BCO2: variants seen among roughly 807,000 people sequenced by gnomAD.
BCO2 encodes beta-carotene oxygenase 2, also known as carotenoid-cleaving dioxygenase, mitochondrial.
In BCO2, 56 loss-of-function variants were observed where a neutral mutation model predicts 65.8. The observed-to-expected ratio is 0.85, with a 90% CI of 0.69 to 1.06. BCO2 has a LOEUF of 1.06. BCO2 is among the 50% of genes least tolerant of loss of function. The probability of loss-of-function intolerance (pLI) is 0.00; values close to 1 mark genes in which losing one functional copy is unlikely to be tolerated. For synonymous variants in BCO2, 233 were observed against 242.3 expected, an observed-to-expected ratio of 0.96 and a Z score of 0.36; for missense variants, 675 against 698.5, an observed-to-expected ratio of 0.97 and a Z score of 0.38.
intron 6 of BCO2, 74 bp downstream of exon 6, chr11:112,199,901 A>G: frequency 1.3e-6 from 2 of 1,530,842 alleles, no homozygotes; most frequent in Non-Finnish European, 1.8e-6. Context: ...TAGTCTGGCA[A>G]ATGTTATGTT....
chr11:112,208,575 G>T, intron 8 of BCO2: 1 of 202,998 alleles, frequency 4.9e-6, no homozygotes, highest in East Asian at 1.5e-4. Flanking sequence ...AAATATAATA[G>T]AAACTGTCCC....
chr11:112,183,003 G>A (rs1164062712), intron 2 of BCO2: 17 of 1,066,308 alleles, frequency 1.6e-5, no homozygotes, highest in Non-Finnish European at 2.2e-5. Context: ...CCTGAGGGTG[G>A]CTACATTAAA....
chr11:112,217,697 GGAGGA>G (rs2135402050), intron 11 of BCO2, 59 bp from the exon 12 acceptor site: 1 of 1,160,122 alleles, frequency 8.6e-7, no homozygotes, highest in African/African-American at 1.5e-5. Flanking sequence ...ACAGCTTAGT[GGAGGA>G]GACAGGCAAA....
Position 112,199,781 on chromosome 11 carries a change from T to C in BCO2, c.819T>C (p.Ser273=). Reference sequence around the variant, plus strand: ...TCCATGGAGTCCAGGTGATATGTTCTATTGCTTCTACAGAGAAAGGGAAAC... The same window carrying C: ...TCCATGGAGTCCAGGTGATATGTTCCATTGCTTCTACAGAGAAAGGGAAAC... The part of the protein sequence containing the change: ...ETIHGVQVIC[S]IASTEKGKPS... The change falls in exon 6 of 12, where the codon TCT becomes TCC. Residue 273 remains serine (S), a synonymous_variant. Coordinates refer to ENST00000357685, the MANE Select transcript of BCO2 (RefSeq NM_031938.7). 1.9e-6 allele frequency: 3 copies of C among 1,614,100 alleles called. No individual in the cohort carries two copies. Among genetic ancestry groups the C allele is most frequent in the Non-Finnish European group, 2.5e-6 (3 of 1,179,928 alleles).
intron 2 of BCO2, chr11:112,181,126 C>T (rs1469114356): frequency 1.4e-6 from 2 of 1,423,136 alleles, no homozygotes; most frequent in East Asian, 4.8e-5. Context: ...TGCTGGCCCA[C>T]ATGTTTAAGG....
chr11:112,196,801 C>T (rs976038102), intron 5 of BCO2, among the ~76,000 whole-genome samples: 3 of 149,808 alleles, frequency 2.0e-5, no homozygotes, highest in Non-Finnish European at 4.5e-5. Context: ...CTACCACCAC[C>T]ACCTCCTCCT....
At chr11:112,195,258 TG>T (rs35331178) in intron 5 of BCO2, among the ~76,000 whole-genome samples, 29,377 of 149,582 alleles carry the variant, frequency 0.2, 3,795 homozygotes, top group Non-Finnish European at 0.28. Flanking sequence ...CCTCAGCCAC[TG>T]GAGTAGCTGG....
intron 8 of BCO2, chr11:112,208,619 C>A: frequency 4.4e-6 from 1 of 229,256 alleles, no homozygotes; most frequent in Non-Finnish European, 8.7e-6. Flanking sequence ...CAAGATGCAT[C>A]TGCTAGCAGT....
Position 112,207,959 on chromosome 11 carries a change from A to ATT in BCO2, c.1195-5754_1195-5753dup, listed in dbSNP as rs55956520. Among the ~76,000 whole-genome samples the ATT allele has an allele frequency of 7.2e-3, 1,055 of 146,422 alleles. 5 individuals are homozygous for ATT. The highest frequency in any genetic ancestry group is 0.01 in the Middle Eastern group (3 of 292). On this transcript the variant is annotated intron_variant, in intron 8 of 11. Transcript: ENST00000357685. ...TTTATGTTAGTGTTGCTATATAGCA[A>ATT]TTTTTTTTTTTTGAGACAGTGTGAC... is the stretch of plus-strand genomic sequence containing the variant.
intron 8 of BCO2, among the ~76,000 whole-genome samples, chr11:112,205,123 T>C (rs374707604): frequency 1.3e-5 from 2 of 152,350 alleles, no homozygotes. Flanking sequence ...TTTTGAGTAG[T>C]CAAAAGTTAT....
chr11:112,188,571 C>G (rs1275083808), intron 2 of BCO2, among the ~76,000 whole-genome samples: 2 of 152,108 alleles, frequency 1.3e-5, no homozygotes, highest in Non-Finnish European at 2.9e-5. Flanking sequence ...CATGCTACCC[C>G]CTCAACTGGC....
chr11:112,181,882 T>G (rs566261657), intron 2 of BCO2: 6 of 857,140 alleles, frequency 7.0e-6, no homozygotes, highest in South Asian at 5.7e-5. Flanking sequence ...TCTGGATCAG[T>G]GCTTGACTGT....
At chr11:112,192,925 G>GTTTTTTTTTTTT (rs71060229) in intron 2 of BCO2, among the ~76,000 whole-genome samples, 423 of 36,646 alleles carry the variant, frequency 0.012, 76 homozygotes, top group African/African-American at 0.031. Context: ...AAAATGTGAG[G>GTTTTTTTTTTTT]TTTTTTTTTT....
rs1382563699 is a variant in BCO2, at chr11:112,179,345, A to G, written c.156A>G (p.Pro52=). Residue 52 remains proline (P), a synonymous_variant, in exon 2 of 12, where the codon CCA becomes CCG. Coordinates refer to ENST00000357685, the MANE Select transcript of BCO2 (RefSeq NM_031938.7). ...TCTTTGGGCAGTGTCGGGGTCTGCC[A>G]TGTGTTGCACCGCTGCTGACCACAG... The part of the protein sequence containing the change: ...KAVFGQCRGL[P]CVAPLLTTVE... 2.5e-6 allele frequency: 4 copies of G among 1,614,094 alleles called. No homozygotes were observed. The Admixed American group carries it at 5.0e-5, about 20-fold the overall frequency.
At chr11:112,194,861 G>A (rs1867523579) in intron 5 of BCO2, 106 bp downstream of exon 5, 2 of 710,268 alleles carry the variant, frequency 2.8e-6, no homozygotes, top group Non-Finnish European at 4.8e-6. Context: ...AGTAGAGAGA[G>A]GGTGCTCTGG....
intron 5 of BCO2, 132 bp downstream of exon 5, chr11:112,194,887 G>GCT: frequency 1.8e-6 from 1 of 560,256 alleles, no homozygotes; most frequent in Non-Finnish European, 3.1e-6. Context: ...TCTACACCCA[G>GCT]CTCTCTCTCC....
intron 5 of BCO2, among the ~76,000 whole-genome samples, chr11:112,199,202 T>C (rs1341348648): frequency 6.6e-6 from 1 of 152,140 alleles, no homozygotes; most frequent in Non-Finnish European, 1.5e-5. Flanking sequence ...AGTGAGAACA[T>C]GCGGTGTTTG....
chr11:112,206,496 C>T (rs1033466494), intron 8 of BCO2, among the ~76,000 whole-genome samples: 2 of 152,134 alleles, frequency 1.3e-5, no homozygotes, highest in African/African-American at 2.4e-5. Flanking sequence ...TGGTGGCTCA[C>T]GCCTGTAATC....
At position 112,217,893 on chromosome 11, in the gene BCO2, TG is replaced by T; in HGVS notation, c.*21del. ...CATCTGATGGGACAACCACAAGGTCTGGAAACTAGGTTTAAAATAAGTGTGC... is the reference window on the plus strand; with the variant it reads ...CATCTGATGGGACAACCACAAGGTCTGAAACTAGGTTTAAAATAAGTGTGC... On this transcript the variant is annotated 3_prime_UTR_variant, in exon 12 of 12. Transcript: ENST00000357685. 6.5e-7 allele frequency: 1 copy of T among 1,532,756 alleles called. No homozygotes were observed. The highest frequency in any genetic ancestry group is 9.0e-7 in the Non-Finnish European group (1 of 1,115,620). The allele number at this position is 1,532,756 out of a possible 1,614,324, so 94.9% of individuals were successfully genotyped here. A position where few individuals can be genotyped will look rare whatever the true frequency, so the allele number is the denominator to read the frequency against.
Sources: gnomAD v4.1 joint callset for allele counts (sites outside exome capture counted in the v4.1 genomes callset) on GRCh38, gnomAD v4.1.1 for gene constraint, MANE v1.5 for transcripts, NCBI Gene and HGNC (gene_info 2026-07-23, HGNC 2026-07-21) for gene names.